FIGLA: variants seen among roughly 807,000 people sequenced by gnomAD.
The protein encoded by FIGLA is folliculogenesis specific bHLH transcription factor.
Under a neutral mutation model 21.5 loss-of-function variants are expected in FIGLA, and 17 were observed. The observed-to-expected ratio is 0.79, with a 90% CI of 0.54 to 1.19. FIGLA has a LOEUF of 1.19. Ranked by LOEUF, FIGLA falls within the 50% of genes most tolerant of loss-of-function variation. The pLI is 0.00. For missense variants in FIGLA, 282 were observed against 285.0 expected, an observed-to-expected ratio of 0.99 and a Z score of 0.08; for synonymous variants, 129 against 117.6, an observed-to-expected ratio of 1.10 and a Z score of -0.63.
chr2:70,777,436 AAAAG>A, intron 4 of FIGLA, 54 bp from the exon 5 acceptor site: 2 of 1,392,042 alleles, frequency 1.4e-6, no homozygotes, highest in Non-Finnish European at 1.9e-6. Context: ...AACCGTTTAC[AAAAG>A]AAATAAAGAA....
chr2:70,788,836 A>C (rs782210138), intron 1 of FIGLA, among the ~76,000 whole-genome samples: 3 of 152,228 alleles, frequency 2.0e-5, no homozygotes, highest in Non-Finnish European at 2.9e-5. Flanking sequence ...TAGTAAACCT[A>C]TCTAGAAAGC....
intron 3 of FIGLA, among the ~76,000 whole-genome samples, chr2:70,782,274 T>C (rs1367716521): frequency 6.6e-6 from 1 of 152,190 alleles, no homozygotes; most frequent in African/African-American, 2.4e-5. Context: ...TGTAATAGGA[T>C]GCAATGAGTA....
chr2:70,781,129 G>A (rs1432943806), intron 3 of FIGLA, among the ~76,000 whole-genome samples: 1 of 152,212 alleles, frequency 6.6e-6, no homozygotes, highest in Non-Finnish European at 1.5e-5. Flanking sequence ...ATCCACATAT[G>A]AGGGGACCGG....
In FIGLA at chr2:70,777,324, CATTT is replaced by C. The variant is rs1359822324; in HGVS notation, c.*39_*42del. The C allele has an allele frequency of 1.7e-5, 23 of 1,356,090 alleles. No homozygotes were observed. The highest frequency in any genetic ancestry group is 2.2e-5 in the Non-Finnish European group (22 of 1,009,626). 84.0% of individuals were successfully genotyped at this position (1,356,090 alleles called of 1,614,324 possible). On this transcript the variant is annotated 3_prime_UTR_variant, in exon 5 of 5. Coordinates refer to ENST00000332372, the MANE Select transcript of FIGLA (RefSeq NM_001004311.3). The stretch of plus-strand genomic sequence containing the variant: ...AGAGACTCCAAAACTTTCAAGACTG[CATTT>C]ATTTGTCTCTAGAAGGTAACCCTGG...
At chr2:70,787,934 A>G in intron 1 of FIGLA, 133 bp from the exon 2 acceptor site, 1 of 837,002 alleles carries the variant, frequency 1.2e-6, no homozygotes, top group Non-Finnish European at 1.8e-6. Context: ...TGCCCCAAAG[A>G]GTCAGTGCTC....
chr2:70,787,505 C>A (rs1675977673), intron 2 of FIGLA, 144 bp downstream of exon 2: 3 of 903,050 alleles, frequency 3.3e-6, no homozygotes, highest in Non-Finnish European at 4.9e-6. Flanking sequence ...GTTTCCTTCT[C>A]TGTCAAATAA....
chr2:70,781,567 A>T (rs1414959278), intron 3 of FIGLA, among the ~76,000 whole-genome samples: 1 of 152,236 alleles, frequency 6.6e-6, no homozygotes, highest in Non-Finnish European at 1.5e-5. Context: ...ATTTACGTGA[A>T]CAGTTAAACT....
At chr2:70,787,350 A>G (rs1369779689) in intron 2 of FIGLA, among the ~76,000 whole-genome samples, 1 of 152,214 alleles carries the variant, frequency 6.6e-6, no homozygotes, top group Non-Finnish European at 1.5e-5. Flanking sequence ...CCTATCAAAG[A>G]TTCAACAGTC....
chr2:70,788,001 G>A (rs1216183377), intron 1 of FIGLA, among the ~76,000 whole-genome samples, 200 bp from the exon 2 acceptor site: 2 of 152,204 alleles, frequency 1.3e-5, no homozygotes, highest in African/African-American at 4.8e-5. Context: ...TTGGTACTAT[G>A]GGCAGATGGG....
At chr2:70,783,880 G>A (rs1222114734) in intron 3 of FIGLA, among the ~76,000 whole-genome samples, 1 of 151,932 alleles carries the variant, frequency 6.6e-6, no homozygotes, top group Non-Finnish European at 1.5e-5. Context: ...AGTAGCAATG[G>A]CGTTTCACCA....
chr2:70,790,614 C>G lies in FIGLA; in HGVS notation c.25G>C (p.Asp9His). ...AGCGCGGGCGGCGCGGCGCGGGGATCTAGGACGCCGGGCGCGGGGTCCATG... is the reference window on the plus strand; with the variant it reads ...AGCGCGGGCGGCGCGGCGCGGGGATGTAGGACGCCGGGCGCGGGGTCCATG... MDPAPGVL[D>H]PRAAPPALLG... The change falls in exon 1 of 5, where the codon GAT becomes CAT. Residue 9 changes from aspartate (D) to histidine (H), a missense_variant. Asp to His is a moderately conservative substitution (Grantham distance 81). Transcript: ENST00000332372. 1 of 1,432,064 alleles carries G rather than the reference C, an allele frequency of 7.0e-7. No individual in the cohort carries two copies. Among genetic ancestry groups the G allele is most frequent in the African/African-American group, 1.5e-5 (1 of 67,248 alleles). 88.7% of individuals were successfully genotyped at this position (1,432,064 alleles called of 1,614,324 possible).
At chr2:70,780,517 T>C (rs1406579998) in intron 3 of FIGLA, among the ~76,000 whole-genome samples, 1 of 152,206 alleles carries the variant, frequency 6.6e-6, no homozygotes, top group Non-Finnish European at 1.5e-5. Context: ...AAGGTCAGCC[T>C]GAGCATCACT....
At chr2:70,783,853 C>T (rs1675899891) in intron 3 of FIGLA, among the ~76,000 whole-genome samples, 1 of 152,078 alleles carries the variant, frequency 6.6e-6, no homozygotes, top group African/African-American at 2.4e-5. Flanking sequence ...AGGTGCCCGC[C>T]ACCACGCCTG....
chr2:70,777,493 A>C (rs1002473722), intron 4 of FIGLA, 111 bp from the exon 5 acceptor site: 14 of 1,375,538 alleles, frequency 1.0e-5, no homozygotes, highest in African/African-American at 1.5e-5. Context: ...AGATGTTTAA[A>C]TTTAAAGATA....
intron 3 of FIGLA, among the ~76,000 whole-genome samples, chr2:70,781,144 G>C (rs534759837): frequency 6.6e-6 from 1 of 152,318 alleles, no homozygotes; most frequent in African/African-American, 2.4e-5. Flanking sequence ...GACCGGCGTG[G>C]AACGTCAGAG....
At chr2:70,789,234 A>G (rs1676013378) in intron 1 of FIGLA, among the ~76,000 whole-genome samples, 1 of 152,156 alleles carries the variant, frequency 6.6e-6, no homozygotes, top group African/African-American at 2.4e-5. Flanking sequence ...CAGTAGTTAT[A>G]TCTGTGTTGT....
chr2:70,786,288 A>G (rs1343672301), intron 2 of FIGLA, among the ~76,000 whole-genome samples: 2 of 88,880 alleles, frequency 2.3e-5, no homozygotes, highest in Non-Finnish European at 4.5e-5. Flanking sequence ...TCTTCTTTCC[A>G]CTCTCGGACT....
intron 3 of FIGLA, among the ~76,000 whole-genome samples, chr2:70,778,902 C>T (rs1158463909): frequency 5.3e-5 from 8 of 152,154 alleles, no homozygotes; most frequent in African/African-American, 1.9e-4. Flanking sequence ...ATTCCTCCAC[C>T]CACTGAGCCA....
chr2:70,789,107 T>C (rs1553390460), intron 1 of FIGLA, among the ~76,000 whole-genome samples: 3 of 151,940 alleles, frequency 2.0e-5, no homozygotes, highest in Non-Finnish European at 4.4e-5. Context: ...CTTTTGATAA[T>C]GTTAAGTGGA....
Sources: allele counts gnomAD v4.1 joint callset (sites outside exome capture counted in the v4.1 genomes callset), GRCh38; gene constraint gnomAD v4.1.1; transcripts MANE v1.5; gene names NCBI Gene and HGNC (gene_info 2026-07-23, HGNC 2026-07-21).